Variants in SP4 observed in about 807,000 individuals in gnomAD.
SP4 encodes the protein Sp4 transcription factor.
SP4 carries 19 observed loss-of-function variants against 72.8 expected under a neutral mutation model. The observed-to-expected ratio is 0.26, with a 90% CI of 0.18 to 0.38. The LOEUF (loss-of-function observed/expected upper bound fraction) is 0.38, where lower values mean the gene tolerates loss of function less well. SP4 is among the 10% of genes least tolerant of loss of function. SP4 has a pLI of 1.00. For synonymous variants in SP4, 395 were observed against 333.1 expected, an observed-to-expected ratio of 1.19 and a Z score of -2.02; for missense variants, 1,008 against 926.3, an observed-to-expected ratio of 1.09 and a Z score of -1.14.
intron 3 of SP4, among the ~76,000 whole-genome samples, chr7:21,476,431 T>G (rs1226446947): frequency 6.6e-6 from 1 of 152,208 alleles, no homozygotes; most frequent in East Asian, 1.9e-4. Flanking sequence ...TGATGAAGTC[T>G]AAGCTATATA....
chr7:21,458,942 C>T (rs907884417), intron 3 of SP4, among the ~76,000 whole-genome samples: 1 of 152,184 alleles, frequency 6.6e-6, no homozygotes, highest in South Asian at 2.1e-4. Context: ...GACAGCTTAA[C>T]AGTGTTGGAC....
At chr7:21,450,864 G>A (rs1783572387) in intron 3 of SP4, among the ~76,000 whole-genome samples, 1 of 152,182 alleles carries the variant, frequency 6.6e-6, no homozygotes, top group African/African-American at 2.4e-5. Context: ...GAGAGACTAA[G>A]GCACGTTTTA....
chr7:21,477,182 T>G lies in SP4; in HGVS notation c.1782T>G (p.Ser594Arg). Residue 594 changes from serine to arginine, a missense_variant, in exon 4 of 6, where the codon AGT becomes AGG. Ser to Arg is a moderately radical substitution (Grantham distance 110). This residue lies in a region of SP4 where 893 missense variants were observed against 743.3 expected (regional missense o/e 1.20). Coordinates refer to ENST00000222584, the MANE Select transcript of SP4 (RefSeq NM_003112.5). ...CTAATGCCACGATAGGTGCTGTTAGTCCTGACCAACTCACACAAGTGCATT... is the reference window on the plus strand; with the variant it reads ...CTAATGCCACGATAGGTGCTGTTAGGCCTGACCAACTCACACAAGTGCATT... ...GIANATIGAV[S>R]PDQLTQVHLQ... 1 of 1,614,156 alleles carries G rather than the reference T, an allele frequency of 6.2e-7. No individual in the cohort carries two copies. The highest frequency in any genetic ancestry group is 8.5e-7 in the Non-Finnish European group (1 of 1,179,980).
chr7:21,451,245 A>T (rs1410161991), intron 3 of SP4, among the ~76,000 whole-genome samples: 1 of 152,144 alleles, frequency 6.6e-6, no homozygotes, highest in Non-Finnish European at 1.5e-5. Flanking sequence ...AACTCCTGAG[A>T]TCTTATCAGG....
At chr7:21,499,296 G>T (rs1160561293) in intron 5 of SP4, among the ~76,000 whole-genome samples, 1 of 152,120 alleles carries the variant, frequency 6.6e-6, no homozygotes, top group Non-Finnish European at 1.5e-5. Flanking sequence ...CTTCCAAAAA[G>T]ATATGTTTAA....
At position 21,511,471 on chromosome 7, in the gene SP4, G is replaced by T; in HGVS notation, c.*202G>T. The T allele has an allele frequency of 1.8e-6, 1 of 548,342 alleles. No homozygotes were observed. The highest frequency in any genetic ancestry group is 2.4e-5 in the South Asian group (1 of 41,378). The allele number at this position is 548,342 out of a possible 1,614,324, so 34.0% of individuals were successfully genotyped here. A position where few individuals can be genotyped will look rare whatever the true frequency, so the allele number is the denominator to read the frequency against. ...AAAGCAGACTGATGTACTGGAAACA[G>T]AAAAGTATTTCCTCCATACTATAAG... On this transcript the variant is annotated 3_prime_UTR_variant, in exon 6 of 6. Transcript: ENST00000222584.
Position 21,428,711 on chromosome 7 carries a change from G to A in SP4, c.42G>A (p.Ala14=). 1.9e-6 allele frequency: 3 copies of A among 1,554,996 alleles called. No homozygotes were observed. The highest frequency in any genetic ancestry group is 1.2e-5 in the South Asian group (1 of 84,260). ...AGGAGGAGGAGGAGGAGGCGGCAGC[G>A]GCAGCGGCGATGGCTACAGAAGGAG... is the stretch of plus-strand genomic sequence containing the variant. The part of the protein sequence containing the change: ...QKKEEEEEAA[A]AAAMATEGGK... Residue 14 remains alanine, a synonymous_variant, in exon 2 of 6, where the codon GCG becomes GCA. Coordinates refer to ENST00000222584, the MANE Select transcript of SP4 (RefSeq NM_003112.5).
Position 21,430,765 on chromosome 7 carries a change from C to G in SP4, c.1600C>G (p.Gln534Glu), listed in dbSNP as rs1378406875. ...TAQLASVPNL[Q>E]TVSVANLGAA... ...CCAGCTTGCATCAGTGCCTAACCTT[C>G]AGACAGTGAGCGTTGCCAACCTGGG... is the stretch of plus-strand genomic sequence containing the variant. The change falls in exon 3 of 6, where the codon CAG (glutamine) becomes GAG (glutamate). Residue 534 changes from glutamine (Q) to glutamate (E), a missense_variant. Gln to Glu is a conservative substitution (Grantham distance 29). Around this residue, in one of 3 missense-constraint regions of SP4, gnomAD observed 893 missense variants for 743.3 expected, o/e 1.20. Transcript: ENST00000222584. The G allele has an allele frequency of 1.2e-6, 2 of 1,614,238 alleles. No homozygotes were observed.
chr7:21,440,373 A>G (rs1050743096), intron 3 of SP4, among the ~76,000 whole-genome samples: 2 of 152,244 alleles, frequency 1.3e-5, no homozygotes, highest in Admixed American at 1.3e-4. Context: ...ACGTAGTGAC[A>G]CCCACTAGAA....
At chr7:21,428,287 CT>C in intron 1 of SP4, 29 bp downstream of exon 1, 3 of 1,367,490 alleles carry the variant, frequency 2.2e-6, no homozygotes, top group Non-Finnish European at 2.0e-6. Context: ...CCTCAGTCTC[CT>C]TCGCCGCCTC....
At position 21,467,180 on chromosome 7, in the gene SP4, A is replaced by G. The variant is rs115805599; in HGVS notation, c.1679-9899A>G. Among the ~76,000 whole-genome samples the G allele has an allele frequency of 4.1e-3, 621 of 152,192 alleles. 3 individuals are homozygous for G. Among genetic ancestry groups the G allele is most frequent in the African/African-American group, 0.014 (595 of 41,530 alleles). ...CATCCCAGGCCTCTACTCACTATAT[A>G]CCAGTAATCTCACACTTTGTGACAA... On this transcript the variant is annotated intron_variant, in intron 3 of 5. Coordinates refer to ENST00000222584, the MANE Select transcript of SP4 (RefSeq NM_003112.5).
chr7:21,445,878 G>A (rs1316305436), intron 3 of SP4, among the ~76,000 whole-genome samples: 1 of 151,970 alleles, frequency 6.6e-6, no homozygotes, highest in East Asian at 1.9e-4. Flanking sequence ...TTTACATTTT[G>A]CAAGAGTTTG....
At chr7:21,465,836 C>T (rs1784151509) in intron 3 of SP4, among the ~76,000 whole-genome samples, 1 of 152,026 alleles carries the variant, frequency 6.6e-6, no homozygotes, top group Admixed American at 6.6e-5. Flanking sequence ...GCACTGCAGG[C>T]TGGGCAACAG....
At chr7:21,440,910 T>G (rs1368990372) in intron 3 of SP4, among the ~76,000 whole-genome samples, 1 of 152,064 alleles carries the variant, frequency 6.6e-6, no homozygotes, top group Non-Finnish European at 1.5e-5. Flanking sequence ...GTGGTGTATT[T>G]CAGTATAGTA....
chr7:21,466,958 C>G (rs950479041), intron 3 of SP4, among the ~76,000 whole-genome samples: 4 of 152,116 alleles, frequency 2.6e-5, no homozygotes. Context: ...AGGGATCACA[C>G]AAATGTACCA....
At chr7:21,437,172 A>T (rs979785316) in intron 3 of SP4, among the ~76,000 whole-genome samples, 1 of 152,214 alleles carries the variant, frequency 6.6e-6, no homozygotes, top group Non-Finnish European at 1.5e-5. Flanking sequence ...ACTTCAGACA[A>T]ATGAGCTTGA....
intron 4 of SP4, 98 bp from the exon 5 acceptor site, chr7:21,481,826 G>T: frequency 1.2e-6 from 1 of 850,470 alleles, no homozygotes; most frequent in Non-Finnish European, 1.9e-6. Context: ...CCTATTCAGA[G>T]AAGCATCATT....
intron 3 of SP4, chr7:21,470,924 T>G (rs1784321829): frequency 1.5e-5 from 6 of 398,444 alleles, no homozygotes; most frequent in Admixed American, 9.0e-5. Flanking sequence ...TTTTGAGTTA[T>G]TAAAAAAATT....
At chr7:21,455,747 A>T (rs575792296) in intron 3 of SP4, among the ~76,000 whole-genome samples, 1 of 152,202 alleles carries the variant, frequency 6.6e-6, no homozygotes, top group African/African-American at 2.4e-5. Context: ...ACCAACCTTC[A>T]TCTCTGTCTT....
Sources: gnomAD v4.1 joint callset for allele counts (sites outside exome capture counted in the v4.1 genomes callset) on GRCh38, gnomAD v4.1.1 for gene constraint, gnomAD v4.1.1 regional missense constraint, MANE v1.5 for transcripts, NCBI Gene and HGNC (gene_info 2026-07-23, HGNC 2026-07-21) for gene names.